ADAM2: variants seen among roughly 807,000 people sequenced by gnomAD.
The protein encoded by ADAM2 is ADAM metallopeptidase domain 2.
A neutral mutation model predicts 99.3 loss-of-function variants in ADAM2; 101 were observed. The observed-to-expected ratio is 1.02, with a 90% CI of 0.87 to 1.20. ADAM2 has a LOEUF of 1.20. ADAM2 is among the 50% of genes most tolerant of loss of function. The probability of loss-of-function intolerance (pLI) is 0.00; values close to 1 mark genes in which losing one functional copy is unlikely to be tolerated. For synonymous variants in ADAM2, 323 were observed against 287.6 expected (o/e 1.12, Z -1.25); for missense variants, 948 against 878.7 (o/e 1.08, Z -1.00).
At chr8:39,754,732 A>T (rs1396522740) in intron 16 of ADAM2, among the ~76,000 whole-genome samples, 1 of 152,240 alleles carries the variant, frequency 6.6e-6, no homozygotes, top group Non-Finnish European at 1.5e-5. Context: ...GTATTCTGTT[A>T]CTTATTAAGC....
intron 11 of ADAM2, among the ~76,000 whole-genome samples, chr8:39,774,278 A>G (rs913019539): frequency 6.6e-6 from 1 of 151,994 alleles, no homozygotes; most frequent in Non-Finnish European, 1.5e-5. Context: ...CCACACATCA[A>G]ACTTTTGTTT....
chr8:39,749,102 C>A (rs1249433548), intron 18 of ADAM2, among the ~76,000 whole-genome samples: 1 of 151,968 alleles, frequency 6.6e-6, no homozygotes, highest in Non-Finnish European at 1.5e-5. Flanking sequence ...TATGCCTGGG[C>A]TCTGACTGAT....
chr8:39,829,462 GTTAC>G (rs1805533719), intron 3 of ADAM2, among the ~76,000 whole-genome samples: 1 of 151,968 alleles, frequency 6.6e-6, no homozygotes, highest in African/African-American at 2.4e-5. Flanking sequence ...AGTTAGAGAA[GTTAC>G]TTACAGTTAG....
At chr8:39,787,564 ATATACACACATAATATATG>A (rs1803519532) in intron 9 of ADAM2, among the ~76,000 whole-genome samples, 1 of 82,034 alleles carries the variant, frequency 1.2e-5, no homozygotes, top group African/African-American at 6.4e-5. Flanking sequence ...ATACACATAT[ATATACACACATAATATATG>A]TATATATATT....
chr8:39,816,190 G>A (rs1314119231), intron 6 of ADAM2, among the ~76,000 whole-genome samples: 3 of 152,084 alleles, frequency 2.0e-5, no homozygotes, highest in Non-Finnish European at 4.4e-5. Flanking sequence ...CCAGCTACTC[G>A]GGAGGCTGAG....
intron 15 of ADAM2, among the ~76,000 whole-genome samples, chr8:39,756,898 A>G (rs959297539): frequency 6.6e-6 from 1 of 152,216 alleles, no homozygotes; most frequent in African/African-American, 2.4e-5. Context: ...TTCATAGATC[A>G]TGTATGAACA....
intron 11 of ADAM2, among the ~76,000 whole-genome samples, chr8:39,776,446 C>T (rs202002): frequency 0.037 from 5,681 of 152,202 alleles, 348 homozygotes; most frequent in African/African-American, 0.13. Context: ...AGATAAAAGG[C>T]TGGCTCCAGT....
intron 1 of ADAM2, 41 bp from the exon 2 acceptor site, chr8:39,837,253 C>T (rs745985124): frequency 1.1e-5 from 15 of 1,401,376 alleles, no homozygotes; most frequent in African/African-American, 2.9e-5. Context: ...CAATGCCCAT[C>T]ATTTCAGAGC....
rs372812804 is a variant in ADAM2, at chr8:39,786,962, A to G, written c.891+12T>C. The G allele has an allele frequency of 4.2e-5, 65 of 1,565,440 alleles. No homozygotes were observed. The highest frequency in any genetic ancestry group is 5.6e-5 in the Non-Finnish European group (64 of 1,149,876). ...TTATGTAGCATACTTTCTATACATA[A>G]CCATACCATACCAGAACAACACCTC... On this transcript the variant is annotated intron_variant, in intron 10 of 20. Coordinates refer to ENST00000265708, the MANE Select transcript of ADAM2 (RefSeq NM_001464.5).
intron 10 of ADAM2, among the ~76,000 whole-genome samples, chr8:39,779,009 T>A (rs1197755678): frequency 6.8e-6 from 1 of 147,654 alleles, no homozygotes; most frequent in Admixed American, 6.7e-5. Context: ...AAAAGCAGGG[T>A]TTTTTTTTTC....
intron 3 of ADAM2, among the ~76,000 whole-genome samples, chr8:39,826,690 TC>T (rs1197026133): frequency 6.7e-6 from 1 of 149,674 alleles, no homozygotes; most frequent in Non-Finnish European, 1.5e-5. Context: ...GCCACTGCAC[TC>T]CAGCCTTGGC....
chr8:39,750,794 A>G (rs1429523241), intron 16 of ADAM2, among the ~76,000 whole-genome samples: 7 of 152,206 alleles, frequency 4.6e-5, no homozygotes, highest in Admixed American at 4.6e-4. Flanking sequence ...ATAAAGACAA[A>G]GGTTTAGTAA....
intron 7 of ADAM2, among the ~76,000 whole-genome samples, chr8:39,797,076 G>C (rs1333218056): frequency 6.6e-6 from 1 of 152,020 alleles, no homozygotes; most frequent in Admixed American, 6.6e-5. Flanking sequence ...GTCAATTCTG[G>C]CTTTTGTTGC....
At chr8:39,753,435 A>G (rs1802026667) in intron 16 of ADAM2, among the ~76,000 whole-genome samples, 1 of 152,176 alleles carries the variant, frequency 6.6e-6, no homozygotes, top group Non-Finnish European at 1.5e-5. Context: ...AGAAAAAAAA[A>G]AAACCCATGT....
chr8:39,827,796 G>A (rs1156667072), intron 3 of ADAM2, among the ~76,000 whole-genome samples: 1 of 152,008 alleles, frequency 6.6e-6, no homozygotes, highest in Non-Finnish European at 1.5e-5. Flanking sequence ...GCTCTGGAGA[G>A]CTTTTGTACA....
intron 7 of ADAM2, 75 bp downstream of exon 7, chr8:39,809,335 A>G: frequency 7.2e-6 from 5 of 695,350 alleles, no homozygotes; most frequent in Non-Finnish European, 4.9e-6. Context: ...TTTCTGTTAA[A>G]AATATATTCC....
At chr8:39,780,862 A>G (rs1008935094) in intron 10 of ADAM2, among the ~76,000 whole-genome samples, 2 of 152,108 alleles carry the variant, frequency 1.3e-5, no homozygotes, top group African/African-American at 4.8e-5. Context: ...AATTCCTGTG[A>G]TATTACAAAT....
rs550433694 is a variant in ADAM2 at position 39,821,605 on chromosome 8, T to G, written c.325A>C (p.Ser109Arg). 6.2e-7 allele frequency: 1 copy of G among 1,606,588 alleles called. No individual in the cohort carries two copies. Among genetic ancestry groups the G allele is most frequent in the South Asian group, 1.1e-5 (1 of 90,780 alleles). ...EGYPKSVVMV[S>R]TCTGLRGVLQ... is the part of the protein sequence containing the mutation. ...TACAACCTGAGTCCAGTACATGTGC[T>G]AACCATCACCACAGATTTTGGATAA... is the stretch of plus-strand genomic sequence containing the variant. The change falls in exon 5 of 21, where the codon AGC (serine) becomes CGC (arginine). Residue 109 changes from serine (S) to arginine (R), a missense_variant. Physicochemically the swap from Ser to Arg is moderately radical, Grantham distance 110. Coordinates refer to ENST00000265708, the MANE Select transcript of ADAM2 (RefSeq NM_001464.5).
At chr8:39,821,846 A>T (rs934006057) in intron 4 of ADAM2, among the ~76,000 whole-genome samples, 184 bp from the exon 5 acceptor site, 1 of 152,156 alleles carries the variant, frequency 6.6e-6, no homozygotes, top group Non-Finnish European at 1.5e-5. Flanking sequence ...ACAGATTTAT[A>T]AAAAATGAGT....
Sources: allele counts gnomAD v4.1 joint callset (sites outside exome capture counted in the v4.1 genomes callset), GRCh38; gene constraint gnomAD v4.1.1; transcripts MANE v1.5; gene names NCBI Gene and HGNC (gene_info 2026-07-23, HGNC 2026-07-21).